The following SESN3 variants were observed in gnomAD, a reference collection of about 807,000 sequenced individuals.
The protein encoded by SESN3 is sestrin-3.
A neutral mutation model predicts 55.3 loss-of-function variants in SESN3; 21 were observed. That is an observed-to-expected ratio of 0.38 (90% CI 0.27 to 0.55). The LOEUF (loss-of-function observed/expected upper bound fraction) is 0.55, where lower values mean the gene tolerates loss of function less well. Among genes scored for constraint, SESN3 ranks in the 20% least tolerant of loss-of-function variants. The pLI is 0.76. For synonymous variants in SESN3, 181 were observed against 203.1 expected (o/e 0.89, Z 0.93); for missense variants, 408 against 604.3 (o/e 0.68, Z 3.41).
At chr11:95,181,246 T>A (rs1860053308) in intron 6 of SESN3, among the ~76,000 whole-genome samples, 1 of 152,094 alleles carries the variant, frequency 6.6e-6, no homozygotes, top group Non-Finnish European at 1.5e-5. Flanking sequence ...TTAGACATTT[T>A]AAAATAAACA....
chr11:95,181,132 A>C (rs1348703407), intron 6 of SESN3, among the ~76,000 whole-genome samples: 1 of 152,064 alleles, frequency 6.6e-6, no homozygotes, highest in Non-Finnish European at 1.5e-5. Flanking sequence ...ACACTGCACA[A>C]CCAAATGGTT....
chr11:95,175,361 C>T (rs1450487466), intron 9 of SESN3, 137 bp downstream of exon 9: 5 of 727,130 alleles, frequency 6.9e-6, no homozygotes, highest in Admixed American at 2.9e-5. Context: ...AGCAAAAAAA[C>T]CCCAGATAGC....
At chr11:95,227,975 T>C (rs914142279) in intron 1 of SESN3, among the ~76,000 whole-genome samples, 1 of 152,180 alleles carries the variant, frequency 6.6e-6, no homozygotes, top group African/African-American at 2.4e-5. Context: ...ACTTAAGAGT[T>C]AGGGATTTCA....
At chr11:95,204,438 T>C (rs1473716441) in intron 1 of SESN3, among the ~76,000 whole-genome samples, 1 of 152,128 alleles carries the variant, frequency 6.6e-6, no homozygotes. Flanking sequence ...ATTAATTCAT[T>C]TGATTATTTT....
chr11:95,179,159 G>GTT lies in SESN3; in HGVS notation c.938-333_938-332dup, dbSNP rs1555118233. Among the ~76,000 whole-genome samples, 13 of 145,336 alleles carry GTT rather than the reference G, an allele frequency of 8.9e-5. 1 individual carries two copies. Among genetic ancestry groups the GTT allele is most frequent in the East Asian group, 2.0e-4 (1 of 4,986 alleles). ...GGCCTATAAGTATAAAGCTTAACCAGTTTTTTTTTTTTTGAGACAGAGTCT... is the reference window on the plus strand; with the variant it reads ...GGCCTATAAGTATAAAGCTTAACCAGTTTTTTTTTTTTTTTGAGACAGAGTCT... On this transcript the variant is annotated intron_variant, in intron 6 of 9. Transcript: ENST00000536441.
chr11:95,178,700 C>T lies in SESN3; in HGVS notation c.1056+10G>A. 1 of 1,496,870 alleles carries T rather than the reference C, an allele frequency of 6.7e-7. No individual in the cohort carries two copies. The highest frequency in any genetic ancestry group is 1.1e-5 in the South Asian group (1 of 88,660). The allele number at this position is 1,496,870 out of a possible 1,614,324, so 92.7% of individuals were successfully genotyped here. On this transcript the variant is annotated intron_variant, in intron 7 of 9. Transcript: ENST00000536441. ...TGTTCTAGTTTCTCTGAATTAAAGACATATTATACCTGAGCTCGGAATGTT... is the reference window on the plus strand; with the variant it reads ...TGTTCTAGTTTCTCTGAATTAAAGATATATTATACCTGAGCTCGGAATGTT...
chr11:95,173,693 CA>C (rs1481526400), intron 9 of SESN3, among the ~76,000 whole-genome samples: 1 of 151,512 alleles, frequency 6.6e-6, no homozygotes, highest in Non-Finnish European at 1.5e-5. Flanking sequence ...AATCAGCCCT[CA>C]TTTTTTTTTT....
chr11:95,210,490 G>A (rs1481740568), intron 1 of SESN3, among the ~76,000 whole-genome samples: 1 of 152,196 alleles, frequency 6.6e-6, no homozygotes, highest in African/African-American at 2.4e-5. Flanking sequence ...ACGTAACAAT[G>A]TAACACCAGA....
chr11:95,227,981 T>A (rs1860978976), intron 1 of SESN3, among the ~76,000 whole-genome samples: 1 of 152,212 alleles, frequency 6.6e-6, no homozygotes, highest in Non-Finnish European at 1.5e-5. Flanking sequence ...GAGTTAGGGA[T>A]TTCAGGATAG....
In SESN3 at chr11:95,193,471, T is replaced by C; in HGVS notation, c.130A>G (p.Ile44Val). The change falls in exon 2 of 10, where the codon ATT becomes GTT. Residue 44 changes from isoleucine to valine, a missense_variant. Physicochemically the swap from Ile to Val is conservative, Grantham distance 29. Around this residue, in one of 4 missense-constraint regions of SESN3, gnomAD observed 107 missense variants for 211.3 expected, o/e 0.51. Coordinates refer to ENST00000536441, the MANE Select transcript of SESN3 (RefSeq NM_144665.4). ...GATAAACTTACTTCCTTCTCTGGAA[T>C]AAAGGCACTTGGTCCTCTTGTCAAG... is the stretch of plus-strand genomic sequence containing the variant. ...QPLTRGPSAF[I>V]PEKEVVQANT... 1 of 1,587,672 alleles carries C rather than the reference T, an allele frequency of 6.3e-7. No homozygotes were observed. The highest frequency in any genetic ancestry group is 8.6e-7 in the Non-Finnish European group (1 of 1,157,362).
intron 1 of SESN3, among the ~76,000 whole-genome samples, chr11:95,201,995 C>A (rs777306875): frequency 6.6e-6 from 1 of 152,038 alleles, no homozygotes; most frequent in Non-Finnish European, 1.5e-5. Flanking sequence ...ATCCATACTT[C>A]CCTTAAGCCC....
chr11:95,174,624 C>G (rs1335828365), intron 9 of SESN3, among the ~76,000 whole-genome samples: 1 of 152,044 alleles, frequency 6.6e-6, no homozygotes, highest in South Asian at 2.1e-4. Flanking sequence ...GCTGGGACAA[C>G]AGGCATGCAC....
intron 1 of SESN3, among the ~76,000 whole-genome samples, chr11:95,208,666 A>G (rs1466442891): frequency 6.6e-6 from 1 of 151,522 alleles, no homozygotes; most frequent in East Asian, 1.9e-4. Context: ...CTGGCTTCAA[A>G]CTATACTACA....
chr11:95,185,176 G>C (rs1860139577), intron 5 of SESN3, 80 bp downstream of exon 5: 12 of 797,890 alleles, frequency 1.5e-5, no homozygotes, highest in Non-Finnish European at 1.9e-5. Flanking sequence ...TATCTAATTG[G>C]AGAAAAATTC....
chr11:95,207,698 A>C (rs1860575045), intron 1 of SESN3, among the ~76,000 whole-genome samples: 1 of 151,594 alleles, frequency 6.6e-6, no homozygotes, highest in Non-Finnish European at 1.5e-5. Context: ...TTATAAAACC[A>C]AGATTAGAAA....
At chr11:95,204,779 C>T (rs959822536) in intron 1 of SESN3, 1 of 152,124 alleles carries the variant, frequency 6.6e-6, no homozygotes, top group Non-Finnish European at 1.5e-5. Context: ...ATTGTTTCTG[C>T]CACCCAGTCT....
Position 95,230,666 on chromosome 11 carries a change from G to T in SESN3, c.78+117C>A. On this transcript the variant is annotated intron_variant, in intron 1 of 9. Coordinates refer to ENST00000536441, the MANE Select transcript of SESN3 (RefSeq NM_144665.4). The surrounding 1 kb of genome is among the most constrained non-coding windows in gnomAD (Gnocchi z 4.6). ...GCCCCCTTTCTCAGTCCCTGCGGAG[G>T]GACGGTGCCCGGGGATCCCTCTCAG... 1.4e-6 allele frequency: 1 copy of T among 698,710 alleles called. No individual in the cohort carries two copies. Among genetic ancestry groups the T allele is most frequent in the Non-Finnish European group, 2.4e-6 (1 of 416,278 alleles). The allele number at this position is 698,710 out of a possible 1,614,324, so 43.3% of individuals were successfully genotyped here. A position where few individuals can be genotyped will look rare whatever the true frequency, so the allele number is the denominator to read the frequency against.
intron 4 of SESN3, among the ~76,000 whole-genome samples, chr11:95,186,621 A>G (rs1284478900): frequency 6.6e-6 from 1 of 151,960 alleles, no homozygotes; most frequent in African/African-American, 2.4e-5. Flanking sequence ...AACATTCCCA[A>G]CACAAAGAAA....
rs1000745014 is a variant in SESN3, at chr11:95,168,365, G to T, written c.*4890C>A. 6 of 152,152 alleles carry T rather than the reference G, an allele frequency of 3.9e-5. No individual in the cohort carries two copies. The highest frequency in any genetic ancestry group is 7.4e-5 in the Non-Finnish European group (5 of 68,020). The allele number at this position is 152,152 out of a possible 1,614,324, so 9.4% of individuals were successfully genotyped here. Reference sequence around the variant, plus strand: ...GGCAATTCAATCACTTTAAAATCCTGTTATATGCTAAATTCTGAACGATAG... The same window carrying T: ...GGCAATTCAATCACTTTAAAATCCTTTTATATGCTAAATTCTGAACGATAG... On this transcript the variant is annotated 3_prime_UTR_variant, in exon 10 of 10. Transcript: ENST00000536441.
Sources: allele counts gnomAD v4.1 joint callset (sites outside exome capture counted in the v4.1 genomes callset), GRCh38; gene constraint gnomAD v4.1.1; regional missense constraint gnomAD v4.1.1; non-coding constraint Gnocchi (gnomAD v3.1); transcripts MANE v1.5; gene names NCBI Gene and HGNC (gene_info 2026-07-23, HGNC 2026-07-21).